FGD6: variants seen among roughly 807,000 people sequenced by gnomAD.
The protein encoded by FGD6 is FYVE, RhoGEF and PH domain containing 6.
Under a neutral mutation model 149.4 loss-of-function variants are expected in FGD6, and 90 were observed. The observed-to-expected ratio is 0.60, with a 90% confidence interval of 0.51 to 0.72. The LOEUF is 0.72. FGD6 is among the 30% of genes least tolerant of loss of function. The probability of loss-of-function intolerance (pLI) is 0.00; values close to 1 mark genes in which losing one functional copy is unlikely to be tolerated. For synonymous variants in FGD6, 527 were observed against 584.0 expected (o/e 0.90, Z 1.41); for missense variants, 1,437 against 1,684.8 (o/e 0.85, Z 2.57).
At chr12:95,197,087 T>G (rs530149676) in intron 2 of FGD6, among the ~76,000 whole-genome samples, 1 of 152,260 alleles carries the variant, frequency 6.6e-6, no homozygotes, top group Non-Finnish European at 1.5e-5. Context: ...TTCTCTCAAC[T>G]TATAGCCAGA....
chr12:95,122,962 G>A (rs1382563900), intron 8 of FGD6, among the ~76,000 whole-genome samples: 1 of 150,892 alleles, frequency 6.6e-6, no homozygotes, highest in Non-Finnish European at 1.5e-5. Context: ...CATGCCTCCA[G>A]TCCCAGCTTC....
At chr12:95,126,010 CAA>C (rs1879328795) in intron 8 of FGD6, 1 of 1,360,546 alleles carries the variant, frequency 7.3e-7, no homozygotes, top group African/African-American at 1.4e-5. Context: ...GACATCAATA[CAA>C]AATGGGCAGC....
intron 20 of FGD6, among the ~76,000 whole-genome samples, 186 bp from the exon 21 acceptor site, chr12:95,081,742 T>C (rs988209586): frequency 3.4e-5 from 5 of 149,008 alleles, no homozygotes; most frequent in South Asian, 2.1e-4. Context: ...TGGAGTGCAA[T>C]AGTGCTATCT....
intron 2 of FGD6, among the ~76,000 whole-genome samples, chr12:95,191,160 A>G (rs1881578013): frequency 6.6e-6 from 1 of 152,170 alleles, no homozygotes; most frequent in Admixed American, 6.5e-5. Context: ...AACTGTCAAA[A>G]CTGCTTTTGA....
chr12:95,104,927 A>C, intron 14 of FGD6, 80 bp downstream of exon 14: 3 of 1,374,722 alleles, frequency 2.2e-6, no homozygotes, highest in Non-Finnish European at 3.0e-6. Flanking sequence ...AAAACCAAAA[A>C]CCAAAATTTT....
chr12:95,160,162 A>G (rs1218119617), intron 3 of FGD6, among the ~76,000 whole-genome samples: 1 of 152,052 alleles, frequency 6.6e-6, no homozygotes, highest in Non-Finnish European at 1.5e-5. Context: ...CTGGGTAACA[A>G]AGCAAGACCT....
At chr12:95,086,544 T>C (rs1030817522) in intron 18 of FGD6, among the ~76,000 whole-genome samples, 3 of 135,936 alleles carry the variant, frequency 2.2e-5, no homozygotes, top group African/African-American at 5.9e-5. Context: ...TTCTTTTTTT[T>C]TTTTTTTTTT....
intron 3 of FGD6, among the ~76,000 whole-genome samples, chr12:95,155,978 C>A (rs1355225595): frequency 6.6e-6 from 1 of 152,190 alleles, no homozygotes; most frequent in Admixed American, 6.5e-5. Flanking sequence ...CTTATCACTT[C>A]CCCAGTCAAT....
chr12:95,120,016 GT>G (rs1177773277), intron 8 of FGD6, among the ~76,000 whole-genome samples: 2 of 151,870 alleles, frequency 1.3e-5, no homozygotes, highest in Non-Finnish European at 2.9e-5. Flanking sequence ...GGATCACGAT[GT>G]CAGGAGTTCG....
intron 14 of FGD6, among the ~76,000 whole-genome samples, chr12:95,098,961 C>A (rs982252479): frequency 2.3e-4 from 35 of 151,348 alleles, no homozygotes; most frequent in African/African-American, 8.5e-4. Flanking sequence ...CTTCTGCCTC[C>A]CAAGTTCAAG....
intron 18 of FGD6, among the ~76,000 whole-genome samples, chr12:95,088,070 T>C (rs1364129421): frequency 1.3e-5 from 2 of 152,218 alleles, no homozygotes; most frequent in Non-Finnish European, 2.9e-5. Context: ...TTCTCCTTTA[T>C]ACCAATTTAG....
chr12:95,179,571 C>G (rs897416196), intron 2 of FGD6, among the ~76,000 whole-genome samples: 3 of 152,048 alleles, frequency 2.0e-5, no homozygotes, highest in African/African-American at 7.2e-5. Flanking sequence ...ACAGTCCTCA[C>G]AAGACAACTC....
chr12:95,182,935 C>T (rs1881326706), intron 2 of FGD6, among the ~76,000 whole-genome samples: 1 of 152,198 alleles, frequency 6.6e-6, no homozygotes, highest in South Asian at 2.1e-4. Flanking sequence ...CTGTACACAC[C>T]CCTTTGCTTC....
intron 14 of FGD6, chr12:95,100,757 T>C: frequency 2.0e-6 from 1 of 505,820 alleles, no homozygotes; most frequent in Non-Finnish European, 3.9e-6. Flanking sequence ...AGCAAGGATA[T>C]CAATGCTTAC....
At chr12:95,171,973 T>C (rs528501530) in intron 3 of FGD6, among the ~76,000 whole-genome samples, 8 of 143,648 alleles carry the variant, frequency 5.6e-5, no homozygotes, top group African/African-American at 1.8e-4. Context: ...CTAAAATGCA[T>C]ATAATTTCTT....
chr12:95,192,009 T>A (rs1041651084), intron 2 of FGD6, among the ~76,000 whole-genome samples: 1 of 152,188 alleles, frequency 6.6e-6, no homozygotes, highest in African/African-American at 2.4e-5. Context: ...ATTACAGGCA[T>A]GAGCCACCAC....
In FGD6 at chr12:95,077,314, A is replaced by G. The variant is rs1389089977; in HGVS notation, c.*4206T>C. 1.3e-5 allele frequency: 2 copies of G among 152,280 alleles called. No individual in the cohort carries two copies. Among genetic ancestry groups the G allele is most frequent in the Admixed American group, 6.5e-5 (1 of 15,272 alleles). 9.4% of individuals were successfully genotyped at this position (152,280 alleles called of 1,614,324 possible). A position where few individuals can be genotyped will look rare whatever the true frequency, so the allele number is the denominator to read the frequency against. The stretch of plus-strand genomic sequence containing the variant: ...GAAGGTGCTAAGCATCATGCAAAAG[A>G]TATGAACTGAAGGCTGTGTCGGGGC... On this transcript the variant is annotated 3_prime_UTR_variant, in exon 21 of 21. Transcript: ENST00000343958.
chr12:95,131,384 C>G (rs1478613706), intron 8 of FGD6, among the ~76,000 whole-genome samples: 1 of 152,146 alleles, frequency 6.6e-6, no homozygotes, highest in African/African-American at 2.4e-5. Flanking sequence ...GTTGGGATTA[C>G]AGGCGTGAGA....
intron 5 of FGD6, among the ~76,000 whole-genome samples, chr12:95,146,904 G>C (rs1465253476): frequency 6.6e-6 from 1 of 152,110 alleles, no homozygotes; most frequent in East Asian, 1.9e-4. Flanking sequence ...AATCAAGTAT[G>C]AGCATCTGAG....
Sources: gnomAD v4.1 joint callset for allele counts (sites outside exome capture counted in the v4.1 genomes callset) on GRCh38, gnomAD v4.1.1 for gene constraint, MANE v1.5 for transcripts, NCBI Gene and HGNC (gene_info 2026-07-23, HGNC 2026-07-21) for gene names.